The following BEND6 variants were observed in gnomAD, a reference collection of about 807,000 sequenced individuals.
BEND6 encodes BEN domain-containing protein 6.
In BEND6, 24 loss-of-function variants were observed where a neutral mutation model predicts 31.8. The ratio of observed to expected loss-of-function variants is 0.75; its 90% CI spans 0.55 to 1.06. The LOEUF (loss-of-function observed/expected upper bound fraction) is 1.06. Ranked by LOEUF, BEND6 falls within the 50% of genes least tolerant of loss-of-function variation. The pLI is 0.00. For synonymous variants in BEND6, 109 were observed against 114.6 expected (o/e 0.95, Z 0.31); for missense variants, 294 against 327.4 (o/e 0.90, Z 0.79).
chr6:56,989,951 G>C (rs1826430214), intron 2 of BEND6, among the ~76,000 whole-genome samples: 2 of 152,038 alleles, frequency 1.3e-5, no homozygotes, highest in Admixed American at 1.3e-4. Flanking sequence ...ATGATTTTAT[G>C]CCTAAGAAAT....
At chr6:57,023,661 A>G (rs1330897541) in intron 6 of BEND6, among the ~76,000 whole-genome samples, 1 of 152,188 alleles carries the variant, frequency 6.6e-6, no homozygotes, top group Non-Finnish European at 1.5e-5. Flanking sequence ...TTGTCCAGGC[A>G]GTGGTGTGAT....
intron 2 of BEND6, among the ~76,000 whole-genome samples, chr6:56,988,360 T>G (rs555321308): frequency 1.5e-4 from 23 of 152,154 alleles, no homozygotes; most frequent in African/African-American, 5.3e-4. Flanking sequence ...CCTTCTCTGA[T>G]GCAATAAGCC....
At chr6:57,002,734 A>G (rs1826991243) in intron 3 of BEND6, among the ~76,000 whole-genome samples, 2 of 152,194 alleles carry the variant, frequency 1.3e-5, no homozygotes, top group African/African-American at 2.4e-5. Context: ...AAAAGTTTAT[A>G]GTACTAAACA....
At chr6:56,956,162 G>A (rs925719654) in intron 1 of BEND6, among the ~76,000 whole-genome samples, 3 of 152,230 alleles carry the variant, frequency 2.0e-5, no homozygotes, top group African/African-American at 7.2e-5. Context: ...ACTCGCATAA[G>A]AAAACTTTAA....
chr6:56,996,780 T>G (rs1275998716), intron 3 of BEND6, among the ~76,000 whole-genome samples: 1 of 152,240 alleles, frequency 6.6e-6, no homozygotes. Flanking sequence ...AAAATATTTC[T>G]GAAACTCAAT....
intron 1 of BEND6, among the ~76,000 whole-genome samples, chr6:56,962,997 A>G (rs1340903135): frequency 6.6e-6 from 1 of 152,200 alleles, no homozygotes; most frequent in Non-Finnish European, 1.5e-5. Flanking sequence ...CTGAGTAGGT[A>G]CTACTCTTAT....
At chr6:57,017,718 A>G (rs896496079) in intron 5 of BEND6, among the ~76,000 whole-genome samples, 2 of 152,178 alleles carry the variant, frequency 1.3e-5, no homozygotes, top group African/African-American at 4.8e-5. Flanking sequence ...CTTTTGTTAT[A>G]TGTCTTATCT....
chr6:56,955,522 C>T (rs568493913), intron 1 of BEND6, 62 bp downstream of exon 1: 5 of 152,382 alleles, frequency 3.3e-5, no homozygotes, highest in African/African-American at 1.2e-4. Flanking sequence ...GAAGGGCCTT[C>T]CCTGGGAATT....
At chr6:56,982,512 A>G (rs995475534) in intron 2 of BEND6, among the ~76,000 whole-genome samples, 1 of 150,482 alleles carries the variant, frequency 6.6e-6, no homozygotes, top group Non-Finnish European at 1.5e-5. Flanking sequence ...TGAATTCCCC[A>G]CTCCCATTCC....
intron 3 of BEND6, among the ~76,000 whole-genome samples, chr6:56,997,619 T>C (rs1318105812): frequency 6.6e-6 from 1 of 152,212 alleles, no homozygotes; most frequent in Non-Finnish European, 1.5e-5. Flanking sequence ...AGTGGCGCAA[T>C]CTCGGCTCAC....
chr6:56,962,422 C>G (rs974020168), intron 1 of BEND6, among the ~76,000 whole-genome samples: 6 of 152,190 alleles, frequency 3.9e-5, no homozygotes, highest in African/African-American at 9.7e-5. Flanking sequence ...GTGACTGTTT[C>G]ACTCCAGTGG....
At chr6:56,978,929 C>T (rs1825978276) in intron 1 of BEND6, among the ~76,000 whole-genome samples, 1 of 152,172 alleles carries the variant, frequency 6.6e-6, no homozygotes, top group Non-Finnish European at 1.5e-5. Context: ...GCAAAACTTA[C>T]ACTGAAGTAA....
chr6:57,014,687 T>G (rs1011637720), intron 3 of BEND6, among the ~76,000 whole-genome samples: 1 of 152,176 alleles, frequency 6.6e-6, no homozygotes, highest in Admixed American at 6.5e-5. Flanking sequence ...CATAGAAAAT[T>G]TATTTTCATC....
intron 1 of BEND6, among the ~76,000 whole-genome samples, chr6:56,971,840 GT>G (rs1825699916): frequency 6.6e-6 from 1 of 151,958 alleles, no homozygotes; most frequent in Non-Finnish European, 1.5e-5. Flanking sequence ...TAAGAATTCT[GT>G]GCGTTCTGGA....
intron 1 of BEND6, among the ~76,000 whole-genome samples, chr6:56,962,152 T>C (rs1257999359): frequency 6.6e-6 from 1 of 152,182 alleles, no homozygotes; most frequent in Admixed American, 6.5e-5. Context: ...TTCCACCATG[T>C]GATGACACAG....
intron 1 of BEND6, among the ~76,000 whole-genome samples, chr6:56,969,344 C>T (rs928225388): frequency 2.6e-5 from 4 of 152,142 alleles, no homozygotes; most frequent in African/African-American, 9.7e-5. Flanking sequence ...CTCCTTCCTC[C>T]GTGCCCTATC....
At chr6:56,988,135 G>C (rs1348106854) in intron 2 of BEND6, among the ~76,000 whole-genome samples, 1 of 151,148 alleles carries the variant, frequency 6.6e-6, no homozygotes, top group African/African-American at 2.4e-5. Flanking sequence ...TTCTGCCTCA[G>C]CCTCCCAGGT....
At chr6:56,982,403 T>C (rs1052000536) in intron 2 of BEND6, among the ~76,000 whole-genome samples, 1 of 152,206 alleles carries the variant, frequency 6.6e-6, no homozygotes, top group African/African-American at 2.4e-5. Flanking sequence ...ACATACTGTT[T>C]GTTTTTCTTT....
chr6:57,014,836 G>GA (rs1273736352), intron 3 of BEND6, among the ~76,000 whole-genome samples: 2 of 151,216 alleles, frequency 1.3e-5, no homozygotes, highest in African/African-American at 2.4e-5. Context: ...CTAGCAACTA[G>GA]AAAAAAAAGA....
Sources: gnomAD v4.1 joint callset for allele counts (sites outside exome capture counted in the v4.1 genomes callset) on GRCh38, gnomAD v4.1.1 for gene constraint, MANE v1.5 for transcripts, NCBI Gene and HGNC (gene_info 2026-07-23, HGNC 2026-07-21) for gene names.